DLG2: variants seen among roughly 807,000 people sequenced by gnomAD.
The protein encoded by DLG2 is discs large MAGUK scaffold protein 2, also known as disks large homolog 2.
In DLG2, 45 loss-of-function variants were observed where a neutral mutation model predicts 132.5. That is an observed-to-expected ratio of 0.34 (90% CI 0.27 to 0.44). The LOEUF is 0.44. DLG2 is among the 20% of genes least tolerant of loss of function. The pLI is 1.00. For synonymous variants in DLG2, 424 were observed against 419.6 expected, an observed-to-expected ratio of 1.01 and a Z score of -0.13; for missense variants, 1,045 against 1,196.9, an observed-to-expected ratio of 0.87 and a Z score of 1.87.
intron 11 of DLG2, among the ~76,000 whole-genome samples, chr11:84,009,671 G>C (rs2094775466): frequency 6.6e-6 from 1 of 151,928 alleles, no homozygotes; most frequent in South Asian, 2.1e-4. Flanking sequence ...TGTGCAGTGT[G>C]GAGTTTTAAA....
chr11:84,401,708 T>C (rs911921046), intron 7 of DLG2, among the ~76,000 whole-genome samples: 2 of 152,178 alleles, frequency 1.3e-5, no homozygotes, highest in Admixed American at 1.3e-4. Flanking sequence ...ACAGATACAC[T>C]TTTGAAGAGA....
chr11:85,609,075 G>C (rs2080802007), intron 2 of DLG2, among the ~76,000 whole-genome samples: 1 of 152,142 alleles, frequency 6.6e-6, no homozygotes, highest in African/African-American at 2.4e-5. Context: ...AACATCTGTT[G>C]ACCTGTGTTC....
At chr11:85,422,549 G>C (rs1287215932) in intron 3 of DLG2, among the ~76,000 whole-genome samples, 1 of 150,596 alleles carries the variant, frequency 6.6e-6, no homozygotes, top group Non-Finnish European at 1.5e-5. Flanking sequence ...TTTTTTTGGT[G>C]GGGGGGATTT....
intron 3 of DLG2, among the ~76,000 whole-genome samples, chr11:85,486,417 C>T (rs1167063042): frequency 6.6e-6 from 1 of 152,192 alleles, no homozygotes; most frequent in Non-Finnish European, 1.5e-5. Context: ...CCTGCCTCTG[C>T]CTATTTCAGC....
At chr11:83,786,456 T>G (rs1360100648) in intron 18 of DLG2, 3 of 475,408 alleles carry the variant, frequency 6.3e-6, no homozygotes, top group Non-Finnish European at 1.1e-5. Context: ...TGGTTGCTAT[T>G]TATTTGAATT....
At chr11:84,826,678 C>T (rs977658983) in intron 6 of DLG2, among the ~76,000 whole-genome samples, 1 of 151,610 alleles carries the variant, frequency 6.6e-6, no homozygotes, top group Non-Finnish European at 1.5e-5. Flanking sequence ...TCATTTGTGC[C>T]TCACATGGTA....
At chr11:83,739,359 T>C (rs2153714213) in intron 18 of DLG2, among the ~76,000 whole-genome samples, 1 of 152,300 alleles carries the variant, frequency 6.6e-6, no homozygotes. Flanking sequence ...TACTAATCGT[T>C]TCTATGGATA....
At chr11:84,340,323 T>C (rs955537641) in intron 7 of DLG2, among the ~76,000 whole-genome samples, 1 of 152,156 alleles carries the variant, frequency 6.6e-6, no homozygotes. Context: ...ATGCACTGTA[T>C]TTTTTTAAAT....
At chr11:83,546,951 G>A (rs2096257685) in intron 19 of DLG2, among the ~76,000 whole-genome samples, 1 of 152,066 alleles carries the variant, frequency 6.6e-6, no homozygotes, top group Non-Finnish European at 1.5e-5. Context: ...TCAAGTGATG[G>A]GGCAGGACTC....
intron 8 of DLG2, among the ~76,000 whole-genome samples, chr11:84,209,484 T>C (rs1338334975): frequency 6.6e-6 from 1 of 152,166 alleles, no homozygotes; most frequent in Non-Finnish European, 1.5e-5. Flanking sequence ...TATATCAAAG[T>C]TGGTTTCTTA....
chr11:83,571,557 A>G (rs1897373), intron 19 of DLG2, among the ~76,000 whole-genome samples: 71,326 of 150,408 alleles, frequency 0.47, 17,547 homozygotes, highest in Admixed American at 0.57. Flanking sequence ...TGACTATGCA[A>G]ATAAAAGTAC....
chr11:85,013,682 TAAGAG>T (rs926852298), intron 6 of DLG2, among the ~76,000 whole-genome samples: 4 of 152,134 alleles, frequency 2.6e-5, no homozygotes, highest in African/African-American at 4.8e-5. Flanking sequence ...GAAATGCCCA[TAAGAG>T]AAGATAAAAT....
At chr11:85,007,610 G>A (rs1376189311) in intron 6 of DLG2, among the ~76,000 whole-genome samples, 7 of 136,006 alleles carry the variant, frequency 5.1e-5, no homozygotes, top group Non-Finnish European at 9.2e-5. Context: ...AGATTGCAGT[G>A]AGCCGTGATT....
chr11:84,067,374 A>G (rs923487928), intron 10 of DLG2, among the ~76,000 whole-genome samples: 1 of 152,140 alleles, frequency 6.6e-6, no homozygotes, highest in Admixed American at 6.6e-5. Context: ...GAATCTGTTC[A>G]AAAGGAATAA....
chr11:84,017,382 A>G (rs904621390), intron 11 of DLG2, among the ~76,000 whole-genome samples: 9 of 152,082 alleles, frequency 5.9e-5, no homozygotes, highest in Non-Finnish European at 1.5e-5. Context: ...TAAATCAGTC[A>G]CAATTGGAAA....
chr11:84,985,316 C>A (rs1336327856), intron 6 of DLG2, among the ~76,000 whole-genome samples: 1 of 151,992 alleles, frequency 6.6e-6, no homozygotes, highest in Non-Finnish European at 1.5e-5. Flanking sequence ...AAATTAACTA[C>A]CAAAGGAACC....
At chr11:84,699,495 G>A (rs146126954) in intron 6 of DLG2, among the ~76,000 whole-genome samples, 57 of 151,604 alleles carry the variant, frequency 3.8e-4, no homozygotes, top group African/African-American at 1.4e-3. Context: ...ATGCACTGAA[G>A]AGTGACTAAT....
chr11:84,232,574 T>G (rs1177148295), intron 8 of DLG2, among the ~76,000 whole-genome samples: 1 of 152,130 alleles, frequency 6.6e-6, no homozygotes. Context: ...GGAGCCCTCA[T>G]TATGGGATTA....
intron 6 of DLG2, among the ~76,000 whole-genome samples, chr11:84,544,044 T>C (rs1485401418): frequency 6.6e-6 from 1 of 152,206 alleles, no homozygotes; most frequent in Non-Finnish European, 1.5e-5. Flanking sequence ...TCTAAGATCC[T>C]TTTTAAGGAA....
Sources: allele counts gnomAD v4.1 joint callset (sites outside exome capture counted in the v4.1 genomes callset), GRCh38; gene constraint gnomAD v4.1.1; transcripts MANE v1.5; gene names NCBI Gene and HGNC (gene_info 2026-07-23, HGNC 2026-07-21).